XXYLT1: variants seen among roughly 807,000 people sequenced by gnomAD.
XXYLT1 encodes the protein xyloside xylosyltransferase 1.
In XXYLT1, 20 loss-of-function variants were observed where a neutral mutation model predicts 28.9. The observed-to-expected ratio is 0.69, with a 90% CI of 0.49 to 1.00. The LOEUF (loss-of-function observed/expected upper bound fraction) is 1.00, where lower values mean the gene tolerates loss of function less well. Among genes scored for constraint, XXYLT1 ranks in the 50% least tolerant of loss-of-function variants. The pLI is 0.00. For missense variants in XXYLT1, 542 were observed against 560.1 expected, an observed-to-expected ratio of 0.97 and a Z score of 0.33; for synonymous variants, 257 against 253.8, an observed-to-expected ratio of 1.01 and a Z score of -0.12.
intron 2 of XXYLT1, among the ~76,000 whole-genome samples, chr3:195,159,431 G>A (rs181783553): frequency 1.5e-4 from 23 of 152,148 alleles, no homozygotes; most frequent in Admixed American, 1.2e-3. Flanking sequence ...TATTAGCCCC[G>A]TCACCTCCAA....
chr3:195,155,039 C>G (rs1333970577), intron 3 of XXYLT1, among the ~76,000 whole-genome samples: 2 of 152,206 alleles, frequency 1.3e-5, no homozygotes, highest in Non-Finnish European at 2.9e-5. Context: ...AAGTCGCCAA[C>G]CCCTGACCTC....
At chr3:195,206,657 T>G (rs1377136677) in intron 2 of XXYLT1, among the ~76,000 whole-genome samples, 1 of 151,668 alleles carries the variant, frequency 6.6e-6, no homozygotes, top group Non-Finnish European at 1.5e-5. Context: ...TAATCCCAGC[T>G]ACTCAGGAGG....
intron 1 of XXYLT1, among the ~76,000 whole-genome samples, chr3:195,254,410 A>G (rs940968113): frequency 2.6e-5 from 4 of 152,244 alleles, no homozygotes; most frequent in Non-Finnish European, 4.4e-5. Context: ...CCCTGTGAGG[A>G]AACTGGGGGC....
chr3:195,254,101 C>T (rs1725383955), intron 1 of XXYLT1, among the ~76,000 whole-genome samples: 1 of 152,320 alleles, frequency 6.6e-6, no homozygotes, highest in East Asian at 1.9e-4. Context: ...CCCCCAAAGA[C>T]CCCCATAAAT....
intron 2 of XXYLT1, among the ~76,000 whole-genome samples, chr3:195,211,166 G>A (rs147654437): frequency 1.3e-5 from 2 of 152,364 alleles, no homozygotes; most frequent in African/African-American, 2.4e-5. Context: ...GGCTGAAGCA[G>A]GTGACTCACC....
At chr3:195,191,727 T>C (rs1267388989) in intron 2 of XXYLT1, among the ~76,000 whole-genome samples, 1 of 152,190 alleles carries the variant, frequency 6.6e-6, no homozygotes, top group Non-Finnish European at 1.5e-5. Flanking sequence ...GTGGCTGTAT[T>C]AACAAGAGAC....
chr3:195,259,101 C>T (rs1323851219), intron 1 of XXYLT1, among the ~76,000 whole-genome samples: 1 of 152,238 alleles, frequency 6.6e-6, no homozygotes, highest in African/African-American at 2.4e-5. Flanking sequence ...CATCTGTTAT[C>T]CCGGCAGCAC....
rs780791157 is a variant in XXYLT1 at position 195,270,678 on chromosome 3, G to C, written c.381C>G (p.Arg127=). The change falls in exon 1 of 4, where the codon CGC becomes CGG. Residue 127 remains arginine, a synonymous_variant. Coordinates refer to ENST00000310380, the MANE Select transcript of XXYLT1 (RefSeq NM_152531.5). Reference sequence around the variant, plus strand: ...CCTCGTGCGCCTCGAACTTGGCGAGGCGCAGCAGTGAGCGCAGCGCGACGC... The same window carrying C: ...CCTCGTGCGCCTCGAACTTGGCGAGCCGCAGCAGTGAGCGCAGCGCGACGC... ...KARVALRSLL[R]LAKFEAHEVL... The C allele has an allele frequency of 5.0e-6, 8 of 1,586,494 alleles. No homozygotes were observed. The highest frequency in any genetic ancestry group is 6.0e-6 in the Non-Finnish European group (7 of 1,171,688).
At chr3:195,151,842 C>G (rs1478150602) in intron 3 of XXYLT1, among the ~76,000 whole-genome samples, 1 of 139,070 alleles carries the variant, frequency 7.2e-6, no homozygotes, top group Non-Finnish European at 1.5e-5. Context: ...AGGAACAAAG[C>G]GACTGGTAAA....
At chr3:195,238,865 C>T (rs1450368174) in intron 1 of XXYLT1, among the ~76,000 whole-genome samples, 1 of 152,204 alleles carries the variant, frequency 6.6e-6, no homozygotes, top group Non-Finnish European at 1.5e-5. Context: ...AAGGGAAGGC[C>T]TCTGTGTTCA....
chr3:195,119,659 A>T (rs1013080205), intron 3 of XXYLT1, among the ~76,000 whole-genome samples: 1 of 108,352 alleles, frequency 9.2e-6, no homozygotes, highest in Non-Finnish European at 2.1e-5. Flanking sequence ...GGATGCCCCC[A>T]GATGAGAGGA....
At chr3:195,070,145 G>A in intron 3 of XXYLT1, 34 bp from the exon 4 acceptor site, 1 of 1,508,890 alleles carries the variant, frequency 6.6e-7, no homozygotes, top group Non-Finnish European at 8.8e-7. Flanking sequence ...AGTCCGGTGT[G>A]CAGGGGAACC....
At chr3:195,146,475 T>C (rs74703146) in intron 3 of XXYLT1, among the ~76,000 whole-genome samples, 5,241 of 152,326 alleles carry the variant, frequency 0.034, 170 homozygotes, top group East Asian at 0.15. Flanking sequence ...CACGTCCCAC[T>C]GCAAGCTCCT....
At chr3:195,139,548 C>T (rs1164859839) in intron 3 of XXYLT1, among the ~76,000 whole-genome samples, 1 of 152,206 alleles carries the variant, frequency 6.6e-6, no homozygotes, top group Non-Finnish European at 1.5e-5. Context: ...TGGGGCCAGC[C>T]CTCTAGGCTA....
At chr3:195,072,333 C>A (rs1250515148) in intron 3 of XXYLT1, among the ~76,000 whole-genome samples, 2 of 152,206 alleles carry the variant, frequency 1.3e-5, no homozygotes, top group Non-Finnish European at 2.9e-5. Flanking sequence ...TTTTAAACGG[C>A]TTTACTCCTA....
At position 195,124,990 on chromosome 3, in the gene XXYLT1, C is replaced by A. The variant is rs908271168; in HGVS notation, c.785+31459G>T. On this transcript the variant is annotated intron_variant, in intron 3 of 3. Transcript: ENST00000310380. This position sits in a 1 kb window ranked among gnomAD's most constrained non-coding sequence, Gnocchi z 4.1. ...AAATGGCATCTCAGCTTCTTTCAAGCTAACCCATTCTTTATTCATTTATTA... is the reference window on the plus strand; with the variant it reads ...AAATGGCATCTCAGCTTCTTTCAAGATAACCCATTCTTTATTCATTTATTA... 6.6e-6 allele frequency among the ~76,000 whole-genome samples: 1 copy of A among 152,220 alleles called. No individual in the cohort carries two copies. The highest frequency in any genetic ancestry group is 2.1e-4 in the South Asian group (1 of 4,830).
chr3:195,254,119 CA>C (rs1725384635), intron 1 of XXYLT1, among the ~76,000 whole-genome samples: 1 of 152,224 alleles, frequency 6.6e-6, no homozygotes, highest in Non-Finnish European at 1.5e-5. Context: ...AATCAGGCCC[CA>C]GGGGGCCCTC....
intron 3 of XXYLT1, among the ~76,000 whole-genome samples, chr3:195,110,396 T>TG (rs1717547694): frequency 4.5e-5 from 5 of 112,274 alleles, no homozygotes; most frequent in South Asian, 3.2e-4. Context: ...GTGTGGTGTG[T>TG]TATGTGTGTA....
At chr3:195,113,547 A>C (rs902170824) in intron 3 of XXYLT1, among the ~76,000 whole-genome samples, 1 of 152,192 alleles carries the variant, frequency 6.6e-6, no homozygotes, top group African/African-American at 2.4e-5. Context: ...CAGGACCTGA[A>C]CCCAGGCAGT....
Sources: allele counts gnomAD v4.1 joint callset (sites outside exome capture counted in the v4.1 genomes callset), GRCh38; gene constraint gnomAD v4.1.1; non-coding constraint Gnocchi (gnomAD v3.1); transcripts MANE v1.5; gene names NCBI Gene and HGNC (gene_info 2026-07-23, HGNC 2026-07-21).